The following NCKAP5 variants were observed in gnomAD, a reference collection of about 807,000 sequenced individuals.
NCKAP5 encodes the protein nck-associated protein 5.
In NCKAP5, 92 loss-of-function variants were observed where a neutral mutation model predicts 167.0. That is an observed-to-expected ratio of 0.55 (90% CI 0.47 to 0.66). NCKAP5 has a LOEUF of 0.66. Ranked by LOEUF, NCKAP5 falls within the 30% of genes least tolerant of loss-of-function variation. The pLI, the probability that NCKAP5 is intolerant of heterozygous loss-of-function variation, is 0.00. For synonymous variants in NCKAP5, 891 were observed against 877.4 expected (o/e 1.02, Z -0.27); for missense variants, 2,378 against 2,315.0 (o/e 1.03, Z -0.56).
intron 16 of NCKAP5, among the ~76,000 whole-genome samples, chr2:132,742,927 A>G (rs1235968278): frequency 2.0e-5 from 3 of 151,916 alleles, no homozygotes; most frequent in African/African-American, 7.2e-5. Flanking sequence ...TCCATTCACC[A>G]ATATCCCATG....
rs1297676141 is a variant in NCKAP5, at chr2:132,725,770, A to C, written c.5581-11T>G. On this transcript the variant is annotated splice_polypyrimidine_tract_variant and intron_variant, in intron 18 of 19. Coordinates refer to ENST00000409261, the MANE Select transcript of NCKAP5 (RefSeq NM_207363.3). ...TCTGGGTGCCTTGTCCTAAATGAGTAATATGAGACTGTTAAGATAATTCAT... is the reference window on the plus strand; with the variant it reads ...TCTGGGTGCCTTGTCCTAAATGAGTCATATGAGACTGTTAAGATAATTCAT... 6.2e-7 allele frequency: 1 copy of C among 1,611,844 alleles called. No individual in the cohort carries two copies. Among genetic ancestry groups the C allele is most frequent in the South Asian group, 1.1e-5 (1 of 90,438 alleles).
chr2:133,338,364 T>C (rs1223988889), intron 3 of NCKAP5, among the ~76,000 whole-genome samples: 1 of 152,214 alleles, frequency 6.6e-6, no homozygotes, highest in Non-Finnish European at 1.5e-5. Flanking sequence ...TTCTAATTCT[T>C]AGTAACAGAA....
chr2:133,629,373 G>GA, the NCKAP5 span, among the ~76,000 whole-genome samples: 2 of 152,018 alleles, frequency 1.3e-5, no homozygotes, highest in Admixed American at 1.3e-4. Context: ...CAAAAAACAT[G>GA]AAAAAAAGCT....
At chr2:133,517,654 C>G (rs1200479695) in intron 2 of NCKAP5, 67 bp from the exon 3 acceptor site, 1 of 484,580 alleles carries the variant, frequency 2.1e-6, no homozygotes, top group Non-Finnish European at 3.5e-6. Context: ...TTTTAACTCT[C>G]TAACCAGAAA....
the NCKAP5 span, among the ~76,000 whole-genome samples, chr2:133,617,859 CA>C: frequency 1.3e-5 from 2 of 151,030 alleles, no homozygotes; most frequent in Non-Finnish European, 3.0e-5. Flanking sequence ...AATCCTAAGC[CA>C]AAAGAACAAA....
intron 6 of NCKAP5, chr2:133,118,562 T>G (rs559807480): frequency 2.0e-5 from 3 of 152,250 alleles, no homozygotes; most frequent in Admixed American, 6.5e-5. Context: ...GCTAAAATCA[T>G]AAGCAGCTTA....
chr2:133,432,114 T>C (rs1690198226), intron 3 of NCKAP5, among the ~76,000 whole-genome samples: 1 of 152,206 alleles, frequency 6.6e-6, no homozygotes, highest in Non-Finnish European at 1.5e-5. Context: ...AGCCTAGTGT[T>C]GTCCTTTGTC....
chr2:133,464,546 C>T (rs368167171), intron 3 of NCKAP5, among the ~76,000 whole-genome samples: 8 of 152,098 alleles, frequency 5.3e-5, no homozygotes, highest in South Asian at 4.2e-4. Context: ...AAAAATTAGC[C>T]GGGTGTGGTG....
At chr2:132,973,122 G>A (rs148034112) in intron 7 of NCKAP5, among the ~76,000 whole-genome samples, 7 of 152,212 alleles carry the variant, frequency 4.6e-5, no homozygotes, top group African/African-American at 9.6e-5. Context: ...ACCTCAACAC[G>A]GTGGCCCTTC....
At chr2:132,983,256 G>C (rs2077192694) in intron 7 of NCKAP5, among the ~76,000 whole-genome samples, 1 of 152,162 alleles carries the variant, frequency 6.6e-6, no homozygotes, top group African/African-American at 2.4e-5. Flanking sequence ...TCAGTGAAGA[G>C]AGATAGTTTG....
intron 4 of NCKAP5, among the ~76,000 whole-genome samples, chr2:133,244,684 G>A (rs766698727): frequency 9.9e-5 from 15 of 152,050 alleles, no homozygotes; most frequent in Non-Finnish European, 1.8e-4. Context: ...ACTGTCACTT[G>A]ATATACAACA....
chr2:133,337,845 C>T (rs1395554642), intron 3 of NCKAP5, among the ~76,000 whole-genome samples: 1 of 152,130 alleles, frequency 6.6e-6, no homozygotes, highest in Non-Finnish European at 1.5e-5. Context: ...GCTCATTATA[C>T]CAATAATCAA....
At chr2:132,904,349 T>C (rs1693852344) in intron 8 of NCKAP5, among the ~76,000 whole-genome samples, 1 of 149,926 alleles carries the variant, frequency 6.7e-6, no homozygotes. Flanking sequence ...AATAAATAAA[T>C]AAATAAAAAT....
chr2:132,945,125 C>T (rs1175910584), intron 8 of NCKAP5, among the ~76,000 whole-genome samples: 3 of 152,052 alleles, frequency 2.0e-5, no homozygotes, highest in Admixed American at 1.3e-4. Context: ...TGCTGCTGGT[C>T]CTCAGGGGAC....
At chr2:133,189,044 T>G (rs559128454) in intron 5 of NCKAP5, among the ~76,000 whole-genome samples, 51 of 152,104 alleles carry the variant, frequency 3.4e-4, no homozygotes, top group African/African-American at 1.2e-3. Context: ...CTAGCAAGAC[T>G]AATAAAGAAG....
intron 3 of NCKAP5, among the ~76,000 whole-genome samples, chr2:133,400,662 C>T (rs2151020079): frequency 1.3e-5 from 2 of 152,218 alleles, no homozygotes; most frequent in South Asian, 4.2e-4. Context: ...GCCTCCAGTG[C>T]AGTGAGAAAA....
intron 11 of NCKAP5, among the ~76,000 whole-genome samples, chr2:132,801,243 G>T (rs190812832): frequency 6.6e-6 from 1 of 152,116 alleles, no homozygotes; most frequent in Non-Finnish European, 1.5e-5. Flanking sequence ...TCTGGGAAAA[G>T]AAACGACTTT....
intron 11 of NCKAP5, among the ~76,000 whole-genome samples, chr2:132,835,274 CTCTT>C (rs1687809047): frequency 6.6e-6 from 1 of 152,064 alleles, no homozygotes; most frequent in South Asian, 2.1e-4. Context: ...CTATAGTTCT[CTCTT>C]TTTTTGTTGT....
chr2:132,859,290 T>C (rs1689706286), intron 11 of NCKAP5, among the ~76,000 whole-genome samples: 1 of 152,180 alleles, frequency 6.6e-6, no homozygotes, highest in South Asian at 2.1e-4. Context: ...CATCTTTCTT[T>C]CTCTGAAATG....
Sources: gnomAD v4.1 joint callset for allele counts (sites outside exome capture counted in the v4.1 genomes callset) on GRCh38, gnomAD v4.1.1 for gene constraint, MANE v1.5 for transcripts, NCBI Gene and HGNC (gene_info 2026-07-23, HGNC 2026-07-21) for gene names.